Variants in TENM2 observed in about 807,000 individuals in gnomAD.
TENM2 encodes teneurin transmembrane protein 2.
A neutral mutation model predicts 245.2 loss-of-function variants in TENM2; 52 were observed. That is an observed-to-expected ratio of 0.21 (90% CI 0.17 to 0.27). The LOEUF is 0.27. TENM2 is among the 10% of genes least tolerant of loss of function. The probability of loss-of-function intolerance (pLI) is 1.00; values close to 1 mark genes in which losing one functional copy is unlikely to be tolerated. For missense variants in TENM2, 3,046 were observed against 3,666.8 expected, an observed-to-expected ratio of 0.83 and a Z score of 4.37; for synonymous variants, 1,363 against 1,438.9, an observed-to-expected ratio of 0.95 and a Z score of 1.19.
At chr5:167,120,266 T>C in the TENM2 span, among the ~76,000 whole-genome samples, 5 of 152,184 alleles carry the variant, frequency 3.3e-5, no homozygotes, top group Non-Finnish European at 7.3e-5. Flanking sequence ...TTTTATAAAC[T>C]GCAGTCTTGT....
intron 27 of TENM2, among the ~76,000 whole-genome samples, chr5:168,251,538 G>C (rs1327396385): frequency 6.6e-6 from 1 of 152,190 alleles, no homozygotes. Context: ...CACAGCCCAC[G>C]CTCGGGCAGA....
At chr5:167,529,266 T>A (rs1771332775) in intron 2 of TENM2, among the ~76,000 whole-genome samples, 1 of 152,156 alleles carries the variant, frequency 6.6e-6, no homozygotes, top group African/African-American at 2.4e-5. Flanking sequence ...TTGCAGCCCC[T>A]CTTTCCATCT....
intron 19 of TENM2, among the ~76,000 whole-genome samples, chr5:168,211,010 A>G (rs995000742): frequency 1.3e-5 from 2 of 152,228 alleles, no homozygotes; most frequent in Non-Finnish European, 2.9e-5. Flanking sequence ...TCCAATTCCA[A>G]GAGGATATTA....
At chr5:167,046,286 A>T in the TENM2 span, among the ~76,000 whole-genome samples, 1 of 152,010 alleles carries the variant, frequency 6.6e-6, no homozygotes, top group Non-Finnish European at 1.5e-5. Flanking sequence ...TATTTCGTTT[A>T]TTTCCATGTT....
At chr5:167,271,092 G>A in the TENM2 span, among the ~76,000 whole-genome samples, 6 of 152,126 alleles carry the variant, frequency 3.9e-5, no homozygotes, top group African/African-American at 1.4e-4. Context: ...ACAGAGAGGG[G>A]CACATTCAAT....
intron 2 of TENM2, among the ~76,000 whole-genome samples, chr5:167,394,729 G>T (rs1761958651): frequency 6.6e-6 from 1 of 152,028 alleles, no homozygotes; most frequent in African/African-American, 2.4e-5. Context: ...CCGAATAGCT[G>T]GAACTTCAGA....
intron 2 of TENM2, among the ~76,000 whole-genome samples, chr5:167,608,490 C>T (rs540634395): frequency 2.0e-5 from 3 of 152,306 alleles, no homozygotes; most frequent in South Asian, 2.1e-4. Flanking sequence ...AGAGTGCTTC[C>T]CTTCCCAGGT....
intron 12 of TENM2, among the ~76,000 whole-genome samples, chr5:168,145,814 A>T (rs936386259): frequency 8.0e-5 from 12 of 150,066 alleles, no homozygotes; most frequent in African/African-American, 2.9e-4. Flanking sequence ...ACCCATGAGC[A>T]TGGAAGGTTC....
At chr5:168,223,933 G>A (rs1289651576) in intron 23 of TENM2, among the ~76,000 whole-genome samples, 1 of 137,678 alleles carries the variant, frequency 7.3e-6, no homozygotes, top group Non-Finnish European at 1.6e-5. Flanking sequence ...GAAAAAAAAA[G>A]CTACTGTCAA....
chr5:167,086,927 A>ATG, the TENM2 span, among the ~76,000 whole-genome samples: 2 of 47,182 alleles, frequency 4.2e-5, no homozygotes, highest in Non-Finnish European at 9.9e-5. Context: ...TAACACACAC[A>ATG]CGCACACACA....
At chr5:167,156,152 T>A in the TENM2 span, among the ~76,000 whole-genome samples, 1 of 152,094 alleles carries the variant, frequency 6.6e-6, no homozygotes, top group Admixed American at 6.5e-5. Context: ...CAGAGGAAAA[T>A]GTGGATGTGT....
chr5:167,113,973 A>G, the TENM2 span, among the ~76,000 whole-genome samples: 1 of 152,160 alleles, frequency 6.6e-6, no homozygotes, highest in African/African-American at 2.4e-5. Context: ...AGTACATTAG[A>G]GCAAGCTGAG....
intron 1 of TENM2, among the ~76,000 whole-genome samples, chr5:167,355,613 AC>A (rs1014159968): frequency 1.3e-5 from 2 of 152,182 alleles, no homozygotes; most frequent in African/African-American, 4.8e-5. Flanking sequence ...GAGGGAGCAA[AC>A]AAAACCATTG....
At chr5:167,377,653 A>G (rs1348783647) in intron 2 of TENM2, among the ~76,000 whole-genome samples, 4 of 152,224 alleles carry the variant, frequency 2.6e-5, no homozygotes, top group Non-Finnish European at 4.4e-5. Context: ...AAGTGTGAGC[A>G]ACTCTGCAGG....
chr5:168,086,375 C>T (rs66885574), intron 7 of TENM2, among the ~76,000 whole-genome samples: 13,828 of 152,272 alleles, frequency 0.091, 744 homozygotes, highest in East Asian at 0.19. Context: ...CTCGAGCTCT[C>T]GTAAAAGTTG....
At chr5:167,874,777 C>A (rs1048134680) in intron 2 of TENM2, among the ~76,000 whole-genome samples, 23 of 152,208 alleles carry the variant, frequency 1.5e-4, no homozygotes, top group Admixed American at 1.3e-3. Context: ...GATGCAGCAG[C>A]CTCTGTGTGG....
chr5:167,379,234 G>A (rs1222792617), intron 2 of TENM2, among the ~76,000 whole-genome samples: 2 of 152,136 alleles, frequency 1.3e-5, no homozygotes, highest in Non-Finnish European at 2.9e-5. Context: ...TTTATGTAAA[G>A]CGTATTTGTG....
intron 2 of TENM2, among the ~76,000 whole-genome samples, chr5:167,433,240 G>A (rs1485199377): frequency 1.3e-5 from 2 of 151,882 alleles, no homozygotes; most frequent in East Asian, 3.9e-4. Context: ...TTGGTGTCAA[G>A]TCCATTTTAA....
chr5:167,533,016 C>T (rs1434743252), intron 2 of TENM2, among the ~76,000 whole-genome samples: 1 of 151,948 alleles, frequency 6.6e-6, no homozygotes, highest in South Asian at 2.1e-4. Flanking sequence ...AGATCTTCCT[C>T]CTAAATCAAA....
Sources: allele counts gnomAD v4.1 joint callset (sites outside exome capture counted in the v4.1 genomes callset), GRCh38; gene constraint gnomAD v4.1.1; transcripts MANE v1.5; gene names NCBI Gene and HGNC (gene_info 2026-07-23, HGNC 2026-07-21).